TRIM71: variants seen among roughly 807,000 people sequenced by gnomAD.
TRIM71 encodes the protein E3 ubiquitin-protein ligase TRIM71.
In TRIM71, 9 loss-of-function variants were observed where a neutral mutation model predicts 61.2. The observed-to-expected ratio is 0.15, with a 90% CI of 0.09 to 0.26. The LOEUF (loss-of-function observed/expected upper bound fraction) is 0.26, where lower values mean the gene tolerates loss of function less well. Among genes scored for constraint, TRIM71 ranks in the 10% least tolerant of loss-of-function variants. TRIM71 has a pLI of 1.00. For missense variants in TRIM71, 998 were observed against 1,238.7 expected (o/e 0.81, Z 2.92); for synonymous variants, 645 against 553.2 (o/e 1.17, Z -2.33).
rs1055748621 is a variant in TRIM71 at position 32,894,758 on chromosome 3, T to G, written c.*2947T>G. 1 of 152,330 alleles carries G rather than the reference T, an allele frequency of 6.6e-6. No individual in the cohort carries two copies. Among genetic ancestry groups the G allele is most frequent in the African/African-American group, 2.4e-5 (1 of 41,564 alleles). 9.4% of individuals were successfully genotyped at this position (152,330 alleles called of 1,614,324 possible). Reference sequence around the variant, plus strand: ...AAAGAAAGATGATAAAAGCCAACATTTGGCAGTCCCTAGTGTGAAACTGTG... The same window carrying G: ...AAAGAAAGATGATAAAAGCCAACATGTGGCAGTCCCTAGTGTGAAACTGTG... On this transcript the variant is annotated 3_prime_UTR_variant, in exon 4 of 4. Coordinates refer to ENST00000383763, the MANE Select transcript of TRIM71 (RefSeq NM_001039111.3).
rs1173962080 is a variant in TRIM71, at chr3:32,890,713, C to T, written c.1509C>T (p.Ala503=). Reference sequence around the variant, plus strand: ...AGCGTGCCCTCCAGGGTAAGGTGGCCTCCTTCACAGTCATTGGTTATGACC... The same window carrying T: ...AGCGTGCCCTCCAGGGTAAGGTGGCTTCCTTCACAGTCATTGGTTATGACC... ...GLKRALQGKV[A]SFTVIGYDHD... The change falls in exon 4 of 4, where the codon GCC becomes GCT. Residue 503 remains alanine (A), a synonymous_variant. Coordinates refer to ENST00000383763, the MANE Select transcript of TRIM71 (RefSeq NM_001039111.3). This position sits in a 1 kb window ranked among gnomAD's most constrained non-coding sequence, Gnocchi z 6.2. 8.7e-6 allele frequency: 14 copies of T among 1,614,076 alleles called. No homozygotes were observed. Among genetic ancestry groups the T allele is most frequent in the Non-Finnish European group, 1.2e-5 (14 of 1,180,028 alleles).
chr3:32,853,960 C>T (rs536357389), intron 1 of TRIM71, among the ~76,000 whole-genome samples: 5 of 151,938 alleles, frequency 3.3e-5, no homozygotes, highest in Non-Finnish European at 7.4e-5. Context: ...GCTGAGACCA[C>T]GCCACTGCAC....
intron 1 of TRIM71, among the ~76,000 whole-genome samples, chr3:32,864,929 A>G (rs1696715429): frequency 6.6e-6 from 1 of 151,194 alleles, no homozygotes; most frequent in Admixed American, 6.6e-5. Context: ...TTTTAGCTCA[A>G]CATGGGGGGT....
chr3:32,833,132 A>T (rs1388512327), intron 1 of TRIM71, among the ~76,000 whole-genome samples: 1 of 140,552 alleles, frequency 7.1e-6, no homozygotes, highest in Non-Finnish European at 1.5e-5. Flanking sequence ...CTGAGATTGC[A>T]CCACTGCACC....
intron 1 of TRIM71, among the ~76,000 whole-genome samples, chr3:32,832,100 TG>T (rs145536276): frequency 0.012 from 1,813 of 151,802 alleles, 38 homozygotes; most frequent in East Asian, 0.1. Context: ...TGAATTGTGG[TG>T]GGGGGGGATT....
Position 32,890,818 on chromosome 3 carries a change from A to G in TRIM71, c.1614A>G (p.Ala538=). The G allele has an allele frequency of 6.2e-7, 1 of 1,614,164 alleles. No individual in the cohort carries two copies. The highest frequency in any genetic ancestry group is 1.7e-5 in the Admixed American group (1 of 60,014). The change falls in exon 4 of 4, where the codon GCA becomes GCG. Residue 538 remains alanine, a synonymous_variant. Coordinates refer to ENST00000383763, the MANE Select transcript of TRIM71 (RefSeq NM_001039111.3). This position sits in a 1 kb window ranked among gnomAD's most constrained non-coding sequence, Gnocchi z 6.2. ...VLGPDGNLFG[A]EVSDQQNGTY... is the part of the protein sequence containing the mutation. ...GCCCTGATGGCAACCTGTTTGGTGC[A>G]GAGGTGAGTGATCAGCAGAATGGGA...
At chr3:32,871,239 C>A (rs1247118959) in intron 1 of TRIM71, among the ~76,000 whole-genome samples, 1 of 152,098 alleles carries the variant, frequency 6.6e-6, no homozygotes, top group Non-Finnish European at 1.5e-5. Context: ...GTTCCATAGC[C>A]AGGTAGTGCC....
At chr3:32,821,749 A>C (rs969057622) in intron 1 of TRIM71, among the ~76,000 whole-genome samples, 61 of 151,716 alleles carry the variant, frequency 4.0e-4, no homozygotes, top group Non-Finnish European at 6.8e-4. Flanking sequence ...TCCCCGGAAC[A>C]GCTGGCCGCG....
chr3:32,858,554 T>G (rs1305819887), intron 1 of TRIM71, among the ~76,000 whole-genome samples: 1 of 152,132 alleles, frequency 6.6e-6, no homozygotes, highest in Non-Finnish European at 1.5e-5. Flanking sequence ...CAGGAGGAAG[T>G]TCTGGGAGAG....
Position 32,818,200 on chromosome 3 carries a change from G to C in TRIM71, c.120G>C (p.Thr40=). The change falls in exon 1 of 4, where the codon ACG becomes ACC. Residue 40 remains threonine, a synonymous_variant. Transcript: ENST00000383763. ...SASSSSSQTS[T]SSGGGGGGPG... ...CGTCGTCCTCCTCGCAGACGTCCAC[G>C]TCGTCGGGGGGCGGCGGCGGGGGCC... The C allele has an allele frequency of 6.4e-7, 1 of 1,572,538 alleles. No individual in the cohort carries two copies. The highest frequency in any genetic ancestry group is 1.1e-5 in the South Asian group (1 of 88,456).
intron 1 of TRIM71, among the ~76,000 whole-genome samples, chr3:32,854,106 A>G (rs141916220): frequency 1.3e-5 from 2 of 152,198 alleles, no homozygotes; most frequent in African/African-American, 4.8e-5. Flanking sequence ...CTCATGCCTG[A>G]GCCTCCCAAG....
chr3:32,886,714 C>A lies in TRIM71; in HGVS notation c.1155+646C>A, dbSNP rs1314077044. ...ACATTCTCTGAACACACGAAAAAGA[C>A]TAGAGCTGATTTATAAGGGTATCCT... On this transcript the variant is annotated intron_variant, in intron 3 of 3. Coordinates refer to ENST00000383763, the MANE Select transcript of TRIM71 (RefSeq NM_001039111.3). Among the ~76,000 whole-genome samples the A allele has an allele frequency of 7.2e-5, 11 of 152,192 alleles. No homozygotes were observed. The East Asian group carries it at 1.7e-3, about 24-fold the overall frequency.
chr3:32,884,512 AT>A (rs1322545404), intron 2 of TRIM71, among the ~76,000 whole-genome samples: 5 of 148,618 alleles, frequency 3.4e-5, no homozygotes, highest in African/African-American at 1.2e-4. Flanking sequence ...AGCCTAGGCA[AT>A]GTGACAAGAT....
intron 2 of TRIM71, among the ~76,000 whole-genome samples, chr3:32,882,123 GTT>G (rs930570334): frequency 8.7e-5 from 13 of 148,692 alleles, no homozygotes; most frequent in African/African-American, 3.1e-4. Context: ...AGGGAGTGGT[GTT>G]TTTGTTTTTT....
At chr3:32,868,783 CCCT>C (rs1696767165) in intron 1 of TRIM71, among the ~76,000 whole-genome samples, 1 of 152,052 alleles carries the variant, frequency 6.6e-6, no homozygotes, top group East Asian at 1.9e-4. Flanking sequence ...TGGAAACACT[CCCT>C]CCTCATACTC....
In TRIM71 at chr3:32,890,996, A is replaced by G; in HGVS notation, c.1792A>G (p.Ser598Gly). The change falls in exon 4 of 4, where the codon AGT becomes GGT. Residue 598 changes from serine (S) to glycine (G), a missense_variant. Physicochemically the swap from Ser to Gly is moderately conservative, Grantham distance 56. Coordinates refer to ENST00000383763, the MANE Select transcript of TRIM71 (RefSeq NM_001039111.3). This position sits in a 1 kb window ranked among gnomAD's most constrained non-coding sequence, Gnocchi z 6.2. ...TGGGCTCCCGGGCCTGAGCTTCGGC[A>G]GTGAGGGTGACAGCGATGGCAAGCT... ...GIGLPGLSFGSEGDSDGKLCR... is the reference protein window; with the variant it reads ...GIGLPGLSFGGEGDSDGKLCR... 1 of 1,614,090 alleles carries G rather than the reference A, an allele frequency of 6.2e-7. No homozygotes were observed. The highest frequency in any genetic ancestry group is 8.5e-7 in the Non-Finnish European group (1 of 1,180,030).
At chr3:32,853,754 C>T (rs1696565412) in intron 1 of TRIM71, among the ~76,000 whole-genome samples, 2 of 152,122 alleles carry the variant, frequency 1.3e-5, no homozygotes, top group Admixed American at 1.3e-4. Flanking sequence ...CGCCTGTGAT[C>T]CCAGCACTTT....
At chr3:32,819,854 C>T (rs1384957451) in intron 1 of TRIM71, among the ~76,000 whole-genome samples, 1 of 152,244 alleles carries the variant, frequency 6.6e-6, no homozygotes, top group Non-Finnish European at 1.5e-5. Context: ...CCAAGGCAGC[C>T]GTACGCTGCT....
chr3:32,868,636 CTT>C (rs113638525), intron 1 of TRIM71, among the ~76,000 whole-genome samples: 2 of 134,044 alleles, frequency 1.5e-5, no homozygotes, highest in Admixed American at 7.5e-5. Context: ...TAGAATAAAG[CTT>C]TTTTTTTTTT....
Sources: allele counts gnomAD v4.1 joint callset (sites outside exome capture counted in the v4.1 genomes callset), GRCh38; gene constraint gnomAD v4.1.1; non-coding constraint Gnocchi (gnomAD v3.1); transcripts MANE v1.5; gene names NCBI Gene and HGNC (gene_info 2026-07-23, HGNC 2026-07-21).